ZDHHC11B: variants seen among roughly 807,000 people sequenced by gnomAD.
ZDHHC11B encodes the protein probable palmitoyltransferase ZDHHC11B.
ZDHHC11B carries 17 observed loss-of-function variants against 42.3 expected under a neutral mutation model. That is an observed-to-expected ratio of 0.40 (90% confidence interval 0.27 to 0.60). The LOEUF (loss-of-function observed/expected upper bound fraction) is 0.60, where lower values mean the gene tolerates loss of function less well. Ranked by LOEUF, ZDHHC11B falls within the 20% of genes least tolerant of loss-of-function variation. ZDHHC11B has a pLI of 0.41. For synonymous variants in ZDHHC11B, 123 were observed against 193.5 expected, an observed-to-expected ratio of 0.64 and a Z score of 3.02; for missense variants, 262 against 463.2, an observed-to-expected ratio of 0.57 and a Z score of 3.99.
chr5:777,533 A>G (rs1471170044), intron 1 of ZDHHC11B, among the ~76,000 whole-genome samples: 2 of 151,886 alleles, frequency 1.3e-5, no homozygotes, highest in African/African-American at 4.8e-5. Context: ...ACAGCGGAGA[A>G]GAGAATGGAG....
At chr5:770,960 G>A (rs1412344510) in intron 1 of ZDHHC11B, among the ~76,000 whole-genome samples, 2 of 151,832 alleles carry the variant, frequency 1.3e-5, no homozygotes, top group African/African-American at 2.4e-5. Flanking sequence ...TCCCTACCAT[G>A]CATGGGCTTC....
chr5:733,159 G>T (rs912843944), intron 11 of ZDHHC11B, among the ~76,000 whole-genome samples: 1 of 150,222 alleles, frequency 6.7e-6, no homozygotes, highest in Non-Finnish European at 1.5e-5. Context: ...GTCTTTTCCT[G>T]TGAAGGATGG....
At chr5:738,606 C>CTCGGTGGTCGCCGTATCATTAAAAAA (rs1743784352) in intron 10 of ZDHHC11B, among the ~76,000 whole-genome samples, 1 of 111,872 alleles carries the variant, frequency 8.9e-6, no homozygotes, top group Non-Finnish European at 2.0e-5. Flanking sequence ...GTGTGTAGAT[C>CTCGGTGGTCGCCGTATCATTAAAAAA]AATGGAACAG....
chr5:776,524 G>T (rs1352046559), intron 1 of ZDHHC11B, among the ~76,000 whole-genome samples: 1 of 151,848 alleles, frequency 6.6e-6, no homozygotes, highest in Non-Finnish European at 1.5e-5. Context: ...CTGGGCCCAC[G>T]CAGTGTGCTC....
chr5:745,816 G>C (rs1744738787), intron 8 of ZDHHC11B, among the ~76,000 whole-genome samples: 1 of 149,736 alleles, frequency 6.7e-6, no homozygotes, highest in African/African-American at 2.5e-5. Flanking sequence ...CCACGCAGTG[G>C]GGCGACCACC....
intron 12 of ZDHHC11B, among the ~76,000 whole-genome samples, chr5:726,308 A>G (rs1364151522): frequency 2.0e-5 from 3 of 151,318 alleles, no homozygotes; most frequent in African/African-American, 7.3e-5. Flanking sequence ...CAGAGCCTGA[A>G]GTAGAAGGCT....
At chr5:784,434 C>T (rs1181380021) in intron 1 of ZDHHC11B, among the ~76,000 whole-genome samples, 1 of 152,202 alleles carries the variant, frequency 6.6e-6, no homozygotes, top group East Asian at 1.9e-4. Context: ...GACCCCCGCT[C>T]GCGGCCTTTG....
chr5:781,148 C>G (rs1327002206), intron 1 of ZDHHC11B, among the ~76,000 whole-genome samples: 1 of 132,090 alleles, frequency 7.6e-6, no homozygotes, highest in Non-Finnish European at 1.6e-5. Flanking sequence ...TGAGTGGCAG[C>G]CATGGGCACG....
At chr5:744,253 G>A (rs1370412923) in intron 9 of ZDHHC11B, among the ~76,000 whole-genome samples, 1 of 149,866 alleles carries the variant, frequency 6.7e-6, no homozygotes, top group African/African-American at 2.5e-5. Context: ...ATCTTTGCCT[G>A]TGTTTCCTGA....
At chr5:739,049 G>A (rs1355674792) in intron 10 of ZDHHC11B, among the ~76,000 whole-genome samples, 3 of 150,604 alleles carry the variant, frequency 2.0e-5, no homozygotes, top group Admixed American at 2.0e-4. Flanking sequence ...CTGTACTTCT[G>A]ACAAAGGACT....
intron 1 of ZDHHC11B, among the ~76,000 whole-genome samples, chr5:773,547 C>A (rs1465951128): frequency 1.3e-5 from 2 of 151,814 alleles, no homozygotes; most frequent in African/African-American, 4.8e-5. Context: ...CAGGCCTGTG[C>A]CCACCATCTC....
chr5:751,439 A>C (rs1745689214), intron 6 of ZDHHC11B, among the ~76,000 whole-genome samples, 182 bp from the exon 7 acceptor site: 1 of 22,766 alleles, frequency 4.4e-5, no homozygotes, highest in African/African-American at 1.3e-4. Flanking sequence ...GCGGGGAGGC[A>C]GGGGCAGGGA....
At chr5:716,640 A>G (rs1741770917) in intron 13 of ZDHHC11B, among the ~76,000 whole-genome samples, 161 bp downstream of exon 13, 1 of 151,782 alleles carries the variant, frequency 6.6e-6, no homozygotes, top group Non-Finnish European at 1.5e-5. Flanking sequence ...AAAGATGGAC[A>G]CACGGTTCCT....
chr5:728,595 A>G (rs1742767068), intron 12 of ZDHHC11B, among the ~76,000 whole-genome samples: 1 of 152,034 alleles, frequency 6.6e-6, no homozygotes, highest in Non-Finnish European at 1.5e-5. Flanking sequence ...ATATTGTTGA[A>G]GAAATTAAAA....
chr5:776,087 AG>A lies in ZDHHC11B; in HGVS notation c.-229-7158del, dbSNP rs1201234224. ...GAACCTTTACGCCCAAGTCCTGTCCAGGGGGAGCACCCTCCACCCCAGGCTG... is the reference window on the plus strand; with the variant it reads ...GAACCTTTACGCCCAAGTCCTGTCCAGGGGAGCACCCTCCACCCCAGGCTG... On this transcript the variant is annotated intron_variant, in intron 1 of 13. Coordinates refer to ENST00000508859, the MANE Select transcript of ZDHHC11B (RefSeq NM_001351303.2). Among the ~76,000 whole-genome samples, 11 of 150,212 alleles carry A rather than the reference AG, an allele frequency of 7.3e-5. 2 individuals carry two copies.
intron 6 of ZDHHC11B, among the ~76,000 whole-genome samples, chr5:752,591 G>C (rs925474920): frequency 2.1e-5 from 2 of 94,270 alleles, no homozygotes; most frequent in African/African-American, 5.9e-5. Context: ...CTGGAGGCCA[G>C]AGCATGAATG....
chr5:761,986 G>T (rs921475357), intron 4 of ZDHHC11B, among the ~76,000 whole-genome samples: 2 of 149,944 alleles, frequency 1.3e-5, no homozygotes, highest in Non-Finnish European at 3.0e-5. Context: ...TCACAGCCAT[G>T]ATGGCCACTC....
intron 4 of ZDHHC11B, among the ~76,000 whole-genome samples, chr5:766,028 C>T (rs1429316222): frequency 1.3e-5 from 2 of 151,904 alleles, no homozygotes; most frequent in East Asian, 1.9e-4. Context: ...GCCCCTTTGT[C>T]CCCACACATC....
intron 4 of ZDHHC11B, among the ~76,000 whole-genome samples, chr5:764,924 A>G (rs1374019574): frequency 2.5e-5 from 3 of 121,658 alleles, no homozygotes; most frequent in African/African-American, 8.7e-5. Context: ...TGCACCAATC[A>G]GCACTCTGTA....
Sources: gnomAD v4.1 joint callset for allele counts (sites outside exome capture counted in the v4.1 genomes callset) on GRCh38, gnomAD v4.1.1 for gene constraint, MANE v1.5 for transcripts, NCBI Gene and HGNC (gene_info 2026-07-23, HGNC 2026-07-21) for gene names.